The following OSBP2 variants were observed in gnomAD, a reference collection of about 807,000 sequenced individuals.
OSBP2 encodes the protein oxysterol-binding protein 2.
Under a neutral mutation model 96.0 loss-of-function variants are expected in OSBP2, and 66 were observed. That is an observed-to-expected ratio of 0.69 (90% CI 0.56 to 0.84). The LOEUF (loss-of-function observed/expected upper bound fraction) is 0.84, where lower values mean the gene tolerates loss of function less well. Ranked by LOEUF, OSBP2 falls within the 40% of genes least tolerant of loss-of-function variation. The pLI is 0.00. For synonymous variants in OSBP2, 525 were observed against 520.9 expected, an observed-to-expected ratio of 1.01 and a Z score of -0.11; for missense variants, 1,038 against 1,222.7, an observed-to-expected ratio of 0.85 and a Z score of 2.25.
chr22:30,699,703 A>G (rs1018924526), intron 1 of OSBP2, among the ~76,000 whole-genome samples: 5 of 152,092 alleles, frequency 3.3e-5, no homozygotes, highest in Non-Finnish European at 7.4e-5. Context: ...TCTCCTTTCA[A>G]TGTCACTTCC....
At chr22:30,867,241 A>G (rs1353680982) in intron 2 of OSBP2, among the ~76,000 whole-genome samples, 2 of 152,012 alleles carry the variant, frequency 1.3e-5, no homozygotes, top group Non-Finnish European at 2.9e-5. Flanking sequence ...TGTCTTTCCC[A>G]TGGACTGCTG....
intron 1 of OSBP2, among the ~76,000 whole-genome samples, chr22:30,719,818 C>T (rs187395135): frequency 2.0e-3 from 300 of 150,942 alleles, no homozygotes; most frequent in Non-Finnish European, 3.1e-3. Context: ...GCCAGGAGTT[C>T]AAGACCAGCC....
chr22:30,780,723 C>T (rs2090507177), intron 2 of OSBP2, among the ~76,000 whole-genome samples: 1 of 152,170 alleles, frequency 6.6e-6, no homozygotes, highest in Non-Finnish European at 1.5e-5. Context: ...GTCTCGAACT[C>T]CTGACCTCAG....
intron 2 of OSBP2, among the ~76,000 whole-genome samples, chr22:30,858,215 C>T (rs545743298): frequency 7.4e-4 from 110 of 149,284 alleles, no homozygotes; most frequent in Non-Finnish European, 1.2e-3. Context: ...GGCGCAATCT[C>T]GGCTCACTGC....
chr22:30,715,293 A>G (rs2089430383), intron 1 of OSBP2, among the ~76,000 whole-genome samples: 1 of 151,166 alleles, frequency 6.6e-6, no homozygotes, highest in Non-Finnish European at 1.5e-5. Flanking sequence ...AGCCATCCTA[A>G]TGGATGTGAG....
At chr22:30,848,674 C>A (rs906107256) in intron 2 of OSBP2, among the ~76,000 whole-genome samples, 1 of 152,152 alleles carries the variant, frequency 6.6e-6, no homozygotes, top group African/African-American at 2.4e-5. Flanking sequence ...TGTATGAAAT[C>A]AAACAATAGG....
At chr22:30,852,275 C>T (rs185204229) in intron 2 of OSBP2, among the ~76,000 whole-genome samples, 1 of 152,242 alleles carries the variant, frequency 6.6e-6, no homozygotes, top group Non-Finnish European at 1.5e-5. Flanking sequence ...TTGCCAGGGC[C>T]ACCATTTGGA....
intron 2 of OSBP2, among the ~76,000 whole-genome samples, chr22:30,860,161 T>TA (rs948438986): frequency 1.3e-4 from 20 of 151,238 alleles, no homozygotes; most frequent in Admixed American, 2.6e-4. Context: ...GTTAAAAAAA[T>TA]AAAAAAAAAT....
chr22:30,712,140 C>T (rs1178022760), intron 1 of OSBP2, among the ~76,000 whole-genome samples: 1 of 152,188 alleles, frequency 6.6e-6, no homozygotes, highest in African/African-American at 2.4e-5. Flanking sequence ...GTTTCAGACC[C>T]TGTTCTCCAG....
chr22:30,832,468 T>C (rs2038544814), intron 2 of OSBP2, among the ~76,000 whole-genome samples: 1 of 151,966 alleles, frequency 6.6e-6, no homozygotes, highest in Non-Finnish European at 1.5e-5. Flanking sequence ...TTTTTTTTTT[T>C]CCTGTAAAGA....
At chr22:30,809,666 A>G (rs1425802483) in intron 2 of OSBP2, among the ~76,000 whole-genome samples, 4 of 152,162 alleles carry the variant, frequency 2.6e-5, no homozygotes, top group Non-Finnish European at 4.4e-5. Context: ...GACTCTGTTC[A>G]TATCAGGGAG....
chr22:30,854,147 A>C (rs1045498264), intron 2 of OSBP2, among the ~76,000 whole-genome samples: 2 of 152,092 alleles, frequency 1.3e-5, no homozygotes, highest in Non-Finnish European at 2.9e-5. Context: ...TCACCACTTC[A>C]GCTGAAACCT....
chr22:30,766,905 G>T (rs1351334630), intron 2 of OSBP2, among the ~76,000 whole-genome samples: 1 of 152,034 alleles, frequency 6.6e-6, no homozygotes, highest in Non-Finnish European at 1.5e-5. Context: ...TGCATCCTGA[G>T]GGCGCACTGC....
At chr22:30,744,807 C>A (rs1441939954) in intron 2 of OSBP2, among the ~76,000 whole-genome samples, 1 of 152,084 alleles carries the variant, frequency 6.6e-6, no homozygotes, top group East Asian at 1.9e-4. Flanking sequence ...CTCTTAGGTG[C>A]TATAAACCAA....
chr22:30,824,384 C>A (rs1400596328), intron 2 of OSBP2, among the ~76,000 whole-genome samples: 5 of 152,128 alleles, frequency 3.3e-5, no homozygotes, highest in Admixed American at 2.0e-4. Context: ...AACTCAGCTA[C>A]CATGTCGGAG....
chr22:30,734,287 T>C (rs779446474), intron 1 of OSBP2, among the ~76,000 whole-genome samples: 1 of 152,190 alleles, frequency 6.6e-6, no homozygotes, highest in Non-Finnish European at 1.5e-5. Flanking sequence ...ATTTTGGATA[T>C]GAGCCCTGAT....
chr22:30,769,605 C>T (rs755836800), intron 2 of OSBP2, among the ~76,000 whole-genome samples: 3 of 152,078 alleles, frequency 2.0e-5, no homozygotes, highest in Non-Finnish European at 2.9e-5. Context: ...GCGGAGATTG[C>T]GCCACTACAT....
At chr22:30,861,130 C>G (rs921742724) in intron 2 of OSBP2, among the ~76,000 whole-genome samples, 5 of 152,160 alleles carry the variant, frequency 3.3e-5, no homozygotes, top group Admixed American at 2.0e-4. Context: ...GTCGATCTCT[C>G]TAGCCGGCCC....
At position 30,695,265 on chromosome 22, in the gene OSBP2, T is replaced by G; in HGVS notation, c.356T>G (p.Phe119Cys). The change falls in exon 1 of 14, where the codon TTC (phenylalanine) becomes TGC (cysteine). Residue 119 changes from phenylalanine to cysteine, a missense_variant. By Grantham distance (205) the Phe-to-Cys change is radical. Transcript: ENST00000332585. Reference protein sequence around the residue: ...ESSSGVGAGPFTKAASEPLSR... With the variant: ...ESSSGVGAGPCTKAASEPLSR... ...AGCTCAGGTGTAGGGGCTGGGCCCT[T>G]CACTAAGGCCGCATCGGAGCCGCTC... 6.2e-7 allele frequency: 1 copy of G among 1,613,400 alleles called. No individual in the cohort carries two copies. Among genetic ancestry groups the G allele is most frequent in the Non-Finnish European group, 8.5e-7 (1 of 1,179,988 alleles).
Sources: gnomAD v4.1 joint callset for allele counts (sites outside exome capture counted in the v4.1 genomes callset) on GRCh38, gnomAD v4.1.1 for gene constraint, MANE v1.5 for transcripts, NCBI Gene and HGNC (gene_info 2026-07-23, HGNC 2026-07-21) for gene names.